The following CLIC5 variants were observed in gnomAD, a reference collection of about 807,000 sequenced individuals.
CLIC5 encodes the protein chloride intracellular channel protein 5.
Under a neutral mutation model 24.7 loss-of-function variants are expected in CLIC5, and 20 were observed. The observed-to-expected ratio is 0.81, with a 90% confidence interval of 0.57 to 1.18. The LOEUF (loss-of-function observed/expected upper bound fraction) is 1.18. Among genes scored for constraint, CLIC5 ranks in the 50% most tolerant of loss-of-function variants. The probability of loss-of-function intolerance (pLI) is 0.00; values close to 1 mark genes in which losing one functional copy is unlikely to be tolerated. For synonymous variants in CLIC5, 159 were observed against 135.6 expected (o/e 1.17, Z -1.20); for missense variants, 341 against 326.1 (o/e 1.05, Z -0.35).
rs913179984 is a variant in CLIC5 at position 45,941,557 on chromosome 6, C to A, written c.396G>T (p.Gln132His). The stretch of plus-strand genomic sequence containing the variant: ...AAGGGAGTCACTCACCAGCATTGTT[C>A]TGCTGCTTGGTATTTTTGATGTAGG... ...FSAYIKNTKQ[Q>H]NNAALERGLT... Residue 132 changes from glutamine to histidine, a missense_variant, in exon 4 of 6, where the codon CAG becomes CAT. Transcript: ENST00000339561. The A allele has an allele frequency of 6.2e-7, 1 of 1,611,464 alleles. No homozygotes were observed. Among genetic ancestry groups the A allele is most frequent in the East Asian group, 2.2e-5 (1 of 44,852 alleles).
intron 1 of CLIC5, among the ~76,000 whole-genome samples, chr6:45,974,808 C>T (rs932092921): frequency 3.9e-5 from 6 of 152,162 alleles, no homozygotes; most frequent in Admixed American, 3.3e-4. Flanking sequence ...CCCATCCCCA[C>T]CCCCTGCAGG....
At position 45,941,672 on chromosome 6, in the gene CLIC5, T is replaced by C. The variant is rs374938804; in HGVS notation, c.300-19A>G. On this transcript the variant is annotated intron_variant, in intron 3 of 5. Transcript: ENST00000339561. ...GGGGTACCTGGAATGGAGGATGCAGTGTTCTGTGAATCAGTAGACTTGGAG... is the reference window on the plus strand; with the variant it reads ...GGGGTACCTGGAATGGAGGATGCAGCGTTCTGTGAATCAGTAGACTTGGAG... 2 of 1,579,488 alleles carry C rather than the reference T, an allele frequency of 1.3e-6. No individual in the cohort carries two copies. Among genetic ancestry groups the C allele is most frequent in the South Asian group, 2.2e-5 (2 of 90,388 alleles).
intron 1 of CLIC5, among the ~76,000 whole-genome samples, chr6:46,025,142 G>T (rs1387780000): frequency 1.3e-5 from 2 of 151,992 alleles, no homozygotes; most frequent in Non-Finnish European, 2.9e-5. Flanking sequence ...TAATCTGGTG[G>T]TTCAACCTCT....
intron 1 of CLIC5, among the ~76,000 whole-genome samples, chr6:45,988,009 A>C (rs1765802150): frequency 6.6e-6 from 1 of 152,182 alleles, no homozygotes; most frequent in Non-Finnish European, 1.5e-5. Context: ...GTCTTAACTC[A>C]TTCCAGTGTC....
intron 1 of CLIC5, chr6:46,014,862 A>T (rs2127445649): frequency 6.6e-6 from 1 of 152,330 alleles, no homozygotes; most frequent in African/African-American, 2.4e-5. Context: ...CAAACGCCTA[A>T]CATTTCCTTG....
At chr6:46,074,234 G>T (rs1024733591) in intron 1 of CLIC5, among the ~76,000 whole-genome samples, 1 of 152,004 alleles carries the variant, frequency 6.6e-6, no homozygotes, top group African/African-American at 2.4e-5. Flanking sequence ...CATTTAAGGT[G>T]GTTAGATAAA....
chr6:46,018,886 G>T (rs1284818586), upstream of CLIC5: 1 of 152,124 alleles, frequency 6.6e-6, no homozygotes, highest in Non-Finnish European at 1.5e-5. Flanking sequence ...TAACATATCT[G>T]ATAGCATTTT....
chr6:46,129,459 G>A, the CLIC5 span: 1 of 152,200 alleles, frequency 6.6e-6, no homozygotes, highest in African/African-American at 2.4e-5. Flanking sequence ...CTGGTTCCCT[G>A]CCGCAGGCAC....
intron 5 of CLIC5, among the ~76,000 whole-genome samples, chr6:45,912,932 T>A (rs1762873320): frequency 6.6e-6 from 1 of 152,232 alleles, no homozygotes; most frequent in African/African-American, 2.4e-5. Flanking sequence ...CTCTAAGGCA[T>A]ACGGAAACAC....
At chr6:45,881,755 C>G (rs994186178) in intron 6 of CLIC5, among the ~76,000 whole-genome samples, 2 of 152,082 alleles carry the variant, frequency 1.3e-5, no homozygotes, top group Non-Finnish European at 2.9e-5. Context: ...TCCCAGAAGA[C>G]TTTGGTGCCC....
chr6:46,073,967 A>G (rs1762692517), intron 1 of CLIC5, among the ~76,000 whole-genome samples: 1 of 152,212 alleles, frequency 6.6e-6, no homozygotes, highest in Non-Finnish European at 1.5e-5. Flanking sequence ...TGCTTATGAA[A>G]GCATCCAGGA....
intron 1 of CLIC5, among the ~76,000 whole-genome samples, chr6:46,038,052 T>G (rs1767710303): frequency 6.6e-6 from 1 of 152,190 alleles, no homozygotes; most frequent in Admixed American, 6.5e-5. Flanking sequence ...TCACTAATAC[T>G]GGCTTATTAT....
At chr6:45,888,718 G>A (rs1762325843) in intron 6 of CLIC5, among the ~76,000 whole-genome samples, 2 of 152,128 alleles carry the variant, frequency 1.3e-5, no homozygotes, top group African/African-American at 4.8e-5. Context: ...GGTATACAGA[G>A]AACTTCCCAC....
upstream of CLIC5, among the ~76,000 whole-genome samples, chr6:46,020,559 A>G (rs370940917): frequency 6.6e-6 from 1 of 152,022 alleles, no homozygotes; most frequent in East Asian, 1.9e-4. Flanking sequence ...AGCAAAAATA[A>G]TAAAATAATA....
At chr6:46,044,489 T>C (rs1767901787) in intron 1 of CLIC5, among the ~76,000 whole-genome samples, 1 of 152,140 alleles carries the variant, frequency 6.6e-6, no homozygotes, top group South Asian at 2.1e-4. Flanking sequence ...ATTTGGAAAT[T>C]TTGCACTGTG....
At chr6:46,062,700 C>T (rs747575323) in intron 1 of CLIC5, among the ~76,000 whole-genome samples, 1 of 152,212 alleles carries the variant, frequency 6.6e-6, no homozygotes, top group Non-Finnish European at 1.5e-5. Flanking sequence ...TGTTACCCAT[C>T]TAGGAGCAGA....
intron 1 of CLIC5, among the ~76,000 whole-genome samples, chr6:45,990,613 C>T (rs1765903111): frequency 6.6e-6 from 1 of 152,188 alleles, no homozygotes; most frequent in South Asian, 2.1e-4. Context: ...CTGAAAACCC[C>T]TGTTACATAG....
intron 4 of CLIC5, among the ~76,000 whole-genome samples, chr6:45,926,228 C>CATATATATAT (rs10543677): frequency 1.4e-4 from 20 of 144,120 alleles, no homozygotes; most frequent in African/African-American, 3.3e-4. Context: ...CATACATATA[C>CATATATATAT]ATATATATAT....
Position 45,955,187 on chromosome 6 carries a change from T to C in CLIC5, c.121A>G (p.Ile41Val). Residue 41 changes from isoleucine to valine, a missense_variant, in exon 2 of 6, where the codon ATC becomes GTC. Transcript: ENST00000339561. ...AACACGACTCCTTTCAGCCAGAGGA[T>C]CATGAAGAGGCGCTGAGAGAAAGGA... ...NCPFSQRLFM[I>V]LWLKGVVFNV... is the part of the protein sequence containing the mutation. The C allele has an allele frequency of 6.2e-7, 1 of 1,614,076 alleles. No individual in the cohort carries two copies. The highest frequency in any genetic ancestry group is 8.5e-7 in the Non-Finnish European group (1 of 1,179,948).
Sources: gnomAD v4.1 joint callset for allele counts (sites outside exome capture counted in the v4.1 genomes callset) on GRCh38, gnomAD v4.1.1 for gene constraint, MANE v1.5 for transcripts, NCBI Gene and HGNC (gene_info 2026-07-23, HGNC 2026-07-21) for gene names.